The following GNA14 variants were observed in gnomAD, a reference collection of about 807,000 sequenced individuals.
GNA14 encodes G protein subunit alpha 14, also known as guanine nucleotide-binding protein subunit alpha-14.
In GNA14, 50 loss-of-function variants were observed where a neutral mutation model predicts 42.0. The ratio of observed to expected loss-of-function variants is 1.19; its 90% CI spans 0.95 to 1.51. The LOEUF is 1.51. GNA14 is among the 40% of genes most tolerant of loss of function. GNA14 has a pLI of 0.00. For synonymous variants in GNA14, 173 were observed against 163.1 expected, an observed-to-expected ratio of 1.06 and a Z score of -0.46; for missense variants, 473 against 446.2, an observed-to-expected ratio of 1.06 and a Z score of -0.54.
At chr9:77,622,415 C>G (rs1325983311) in intron 1 of GNA14, among the ~76,000 whole-genome samples, 1 of 152,074 alleles carries the variant, frequency 6.6e-6, no homozygotes, top group East Asian at 1.9e-4. Flanking sequence ...AATGAAGAAA[C>G]CAGTTGCCAT....
At chr9:77,635,170 TCCC>T (rs1824163044) in intron 1 of GNA14, 1 of 151,756 alleles carries the variant, frequency 6.6e-6, no homozygotes, top group Non-Finnish European at 1.5e-5. Context: ...CTTCACCCCC[TCCC>T]CCACCATTTT....
chr9:77,539,042 T>C (rs1217333884), intron 1 of GNA14, among the ~76,000 whole-genome samples: 1 of 152,220 alleles, frequency 6.6e-6, no homozygotes, highest in Non-Finnish European at 1.5e-5. Context: ...CTTCCAGTAC[T>C]ATGTTGAATA....
chr9:77,481,187 G>T (rs1201488726), intron 2 of GNA14, among the ~76,000 whole-genome samples: 2 of 152,066 alleles, frequency 1.3e-5, no homozygotes, highest in East Asian at 3.9e-4. Flanking sequence ...TGGGCATTTA[G>T]TGCTATAAAT....
intron 2 of GNA14, among the ~76,000 whole-genome samples, chr9:77,500,466 C>T (rs1012500977): frequency 3.3e-5 from 5 of 152,180 alleles, no homozygotes; most frequent in Non-Finnish European, 5.9e-5. Flanking sequence ...CCAATTTCCT[C>T]CAATGGTAAC....
chr9:77,603,841 G>A (rs193276575), intron 1 of GNA14, among the ~76,000 whole-genome samples: 167 of 151,306 alleles, frequency 1.1e-3, no homozygotes, highest in African/African-American at 3.9e-3. Flanking sequence ...GGTGGCGGGA[G>A]GCTGAGGCGG....
In GNA14 at chr9:77,428,951, CA is replaced by C. The variant is rs746420384; in HGVS notation, c.678del (p.Ala227LeufsTer2). The C allele has an allele frequency of 1.1e-4, 173 of 1,613,898 alleles. No homozygotes were observed. Among genetic ancestry groups the C allele is most frequent in the Non-Finnish European group, 1.4e-4 (163 of 1,179,918 alleles). ...FESVTSIIFLVALSEYDQVLA... is the reference protein window; with the variant it reads ...FESVTSIIFLXALSEYDQVLA... ...AGGACCTGGTCATATTCACTCAGAG[CA>C]ACCAAGAAAATAATGGAGGTGACAC... On this transcript the variant is annotated frameshift_variant, in exon 5 of 7. Transcript: ENST00000341700. LOFTEE classifies it high-confidence loss of function.
chr9:77,473,032 A>G (rs577503821), intron 2 of GNA14, among the ~76,000 whole-genome samples: 1 of 152,376 alleles, frequency 6.6e-6, no homozygotes, highest in African/African-American at 2.4e-5. Flanking sequence ...CAACATTCCA[A>G]AAATGAAATT....
chr9:77,595,675 T>C (rs1207266046), intron 1 of GNA14, among the ~76,000 whole-genome samples: 1 of 152,190 alleles, frequency 6.6e-6, no homozygotes, highest in Non-Finnish European at 1.5e-5. Flanking sequence ...TTCCTGCTAC[T>C]CTCAACTAAC....
chr9:77,484,714 G>A (rs1836627202), intron 2 of GNA14, among the ~76,000 whole-genome samples: 1 of 151,950 alleles, frequency 6.6e-6, no homozygotes, highest in African/African-American at 2.4e-5. Context: ...ATATATACTG[G>A]CATACCTCAG....
chr9:77,508,052 A>T (rs992613263), intron 2 of GNA14, among the ~76,000 whole-genome samples: 2 of 152,064 alleles, frequency 1.3e-5, no homozygotes, highest in African/African-American at 2.4e-5. Context: ...TAGTCATGTG[A>T]AAGTTTTCAA....
At chr9:77,427,464 C>T (rs930213385) in intron 5 of GNA14, among the ~76,000 whole-genome samples, 1 of 152,172 alleles carries the variant, frequency 6.6e-6, no homozygotes, top group Non-Finnish European at 1.5e-5. Flanking sequence ...AAAGTGTGCT[C>T]TCAAGAAATA....
At chr9:77,584,386 G>T (rs190069817) in intron 1 of GNA14, among the ~76,000 whole-genome samples, 4 of 152,152 alleles carry the variant, frequency 2.6e-5, no homozygotes, top group Admixed American at 2.0e-4. Flanking sequence ...TACTGATGGG[G>T]TGTGCAATCA....
intron 1 of GNA14, among the ~76,000 whole-genome samples, chr9:77,626,279 C>T (rs1824011404): frequency 1.3e-5 from 2 of 152,160 alleles, no homozygotes; most frequent in African/African-American, 2.4e-5. Context: ...TAGACTCCCA[C>T]ACAATAATAG....
intron 4 of GNA14, among the ~76,000 whole-genome samples, chr9:77,430,051 G>A (rs1835519952): frequency 1.3e-5 from 2 of 152,084 alleles, no homozygotes; most frequent in African/African-American, 4.8e-5. Flanking sequence ...ATTCAATACT[G>A]TTCTTGAACC....
At chr9:77,555,040 TA>T (rs1011072969) in intron 1 of GNA14, among the ~76,000 whole-genome samples, 3 of 150,192 alleles carry the variant, frequency 2.0e-5, no homozygotes, top group Admixed American at 6.6e-5. Context: ...TATTTTTTTT[TA>T]AAATGAAAAT....
chr9:77,599,783 C>T (rs1486025362), intron 1 of GNA14, among the ~76,000 whole-genome samples: 1 of 152,178 alleles, frequency 6.6e-6, no homozygotes, highest in East Asian at 1.9e-4. Context: ...CTTCCGTTCT[C>T]CATCACACCA....
chr9:77,438,223 C>T lies in GNA14; in HGVS notation c.310-3701G>A, dbSNP rs527996224. On this transcript the variant is annotated intron_variant, in intron 2 of 6. Coordinates refer to ENST00000341700, the MANE Select transcript of GNA14 (RefSeq NM_004297.4). ...ACTGCACCTGAGAGGACCAGAAGTA[C>T]TTCAAGTTCGGAGGTCACTACCTGG... Among the ~76,000 whole-genome samples, 3 of 152,144 alleles carry T rather than the reference C, an allele frequency of 2.0e-5. No homozygotes were observed. In the East Asian group the frequency reaches 5.8e-4, roughly 29 times the overall value.
intron 1 of GNA14, among the ~76,000 whole-genome samples, chr9:77,591,977 C>T (rs533188939): frequency 6.7e-6 from 1 of 150,304 alleles, no homozygotes; most frequent in African/African-American, 2.4e-5. Context: ...TGCAGTGGCG[C>T]GATCTCAGCT....
chr9:77,633,792 T>C (rs1356359304), intron 1 of GNA14, among the ~76,000 whole-genome samples: 1 of 152,196 alleles, frequency 6.6e-6, no homozygotes. Context: ...CTGGCCCCAC[T>C]CTGGCCAGTC....
Sources: allele counts gnomAD v4.1 joint callset (sites outside exome capture counted in the v4.1 genomes callset), GRCh38; gene constraint gnomAD v4.1.1; transcripts MANE v1.5; gene names NCBI Gene and HGNC (gene_info 2026-07-23, HGNC 2026-07-21).